Variants in ADCY8 observed in about 807,000 individuals in gnomAD.
ADCY8 encodes the protein adenylate cyclase type 8.
ADCY8 carries 51 observed loss-of-function variants against 119.7 expected under a neutral mutation model. The ratio of observed to expected loss-of-function variants is 0.43; its 90% CI spans 0.34 to 0.54. The LOEUF is 0.54. Ranked by LOEUF, ADCY8 falls within the 20% of genes least tolerant of loss-of-function variation. The pLI is 0.03. For synonymous variants in ADCY8, 665 were observed against 651.0 expected (o/e 1.02, Z -0.33); for missense variants, 1,383 against 1,598.8 (o/e 0.87, Z 2.30).
At chr8:130,817,498 T>C (rs1445906921) in intron 13 of ADCY8, among the ~76,000 whole-genome samples, 1 of 152,228 alleles carries the variant, frequency 6.6e-6, no homozygotes, top group Non-Finnish European at 1.5e-5. Context: ...AATGACTTTA[T>C]TGGAAGATTT....
chr8:130,916,434 A>G (rs929704734), intron 5 of ADCY8, among the ~76,000 whole-genome samples: 1 of 152,172 alleles, frequency 6.6e-6, no homozygotes, highest in Admixed American at 6.5e-5. Flanking sequence ...GCTGGACTTT[A>G]GTGTCAGCCT....
intron 1 of ADCY8, among the ~76,000 whole-genome samples, chr8:131,004,440 TA>T (rs1420239994): frequency 1.3e-5 from 2 of 151,958 alleles, no homozygotes; most frequent in Non-Finnish European, 2.9e-5. Flanking sequence ...ATCATCTATT[TA>T]ATTCATGGAG....
At chr8:131,011,497 T>C (rs1823302840) in intron 1 of ADCY8, among the ~76,000 whole-genome samples, 1 of 152,138 alleles carries the variant, frequency 6.6e-6, no homozygotes, top group African/African-American at 2.4e-5. Flanking sequence ...AAGCTGCCCT[T>C]CTCACCACAT....
intron 5 of ADCY8, among the ~76,000 whole-genome samples, chr8:130,920,603 C>CT (rs1311574190): frequency 2.6e-5 from 4 of 152,194 alleles, no homozygotes; most frequent in Non-Finnish European, 1.5e-5. Flanking sequence ...TATTCTAACT[C>CT]TGAGCTTTTG....
At chr8:130,832,587 C>A (rs1816871251) in intron 12 of ADCY8, among the ~76,000 whole-genome samples, 1 of 152,120 alleles carries the variant, frequency 6.6e-6, no homozygotes, top group African/African-American at 2.4e-5. Flanking sequence ...TTATTGATTT[C>A]ATTCCATTGA....
intron 17 of ADCY8, among the ~76,000 whole-genome samples, chr8:130,782,645 T>C (rs559400357): frequency 6.6e-6 from 1 of 152,308 alleles, no homozygotes; most frequent in Admixed American, 6.5e-5. Context: ...AATTGTGTAG[T>C]CAACAATTTC....
intron 8 of ADCY8, 51 bp from the exon 9 acceptor site, chr8:130,867,997 T>G: frequency 8.4e-7 from 1 of 1,191,198 alleles, no homozygotes. Flanking sequence ...AGTGCAGTGT[T>G]TGAGGTTGAG....
chr8:130,798,893 C>G (rs73342411), intron 15 of ADCY8, among the ~76,000 whole-genome samples: 1 of 152,050 alleles, frequency 6.6e-6, no homozygotes. Flanking sequence ...CACGCATGCA[C>G]ACACACATGC....
chr8:131,022,649 C>T (rs574702122), intron 1 of ADCY8, among the ~76,000 whole-genome samples: 17 of 152,178 alleles, frequency 1.1e-4, no homozygotes, highest in African/African-American at 2.4e-4. Flanking sequence ...CAGCAAGTGC[C>T]GGCCAGGTAA....
intron 9 of ADCY8, among the ~76,000 whole-genome samples, chr8:130,862,855 T>C (rs1039647813): frequency 2.0e-5 from 3 of 152,236 alleles, no homozygotes; most frequent in Admixed American, 6.5e-5. Flanking sequence ...TCTGAGAACA[T>C]ACTTTGTGTT....
chr8:130,871,757 C>G (rs1181498558), intron 8 of ADCY8, among the ~76,000 whole-genome samples: 1 of 152,122 alleles, frequency 6.6e-6, no homozygotes, highest in Admixed American at 6.6e-5. Flanking sequence ...GAAATTATGA[C>G]CTCCTGTGTG....
intron 1 of ADCY8, among the ~76,000 whole-genome samples, chr8:131,034,953 A>G (rs1344891991): frequency 6.6e-6 from 1 of 152,196 alleles, no homozygotes; most frequent in Non-Finnish European, 1.5e-5. Context: ...GTCACCAGCA[A>G]TTAAAATAGA....
At chr8:130,894,202 GT>G (rs1420066807) in intron 7 of ADCY8, among the ~76,000 whole-genome samples, 1 of 152,130 alleles carries the variant, frequency 6.6e-6, no homozygotes, top group Non-Finnish European at 1.5e-5. Context: ...CTTTTCACCA[GT>G]TGTGTCAGGG....
chr8:130,811,733 T>TGTA (rs1816173280), intron 14 of ADCY8, among the ~76,000 whole-genome samples: 1 of 152,178 alleles, frequency 6.6e-6, no homozygotes, highest in Non-Finnish European at 1.5e-5. Context: ...CCAAGGGTGA[T>TGTA]GTAGTCCCTG....
chr8:130,791,435 A>G (rs191477144), intron 15 of ADCY8, among the ~76,000 whole-genome samples: 1 of 152,338 alleles, frequency 6.6e-6, no homozygotes, highest in African/African-American at 2.4e-5. Context: ...AGACAGGAAA[A>G]CTGTGCTGAC....
intron 8 of ADCY8, among the ~76,000 whole-genome samples, chr8:130,871,316 T>C (rs1270835127): frequency 2.0e-5 from 3 of 152,216 alleles, no homozygotes; most frequent in Non-Finnish European, 2.9e-5. Flanking sequence ...CTTATCCTTT[T>C]ATATCTCAGT....
At position 130,878,651 on chromosome 8, in the gene ADCY8, C is replaced by A. The variant is rs529309549; in HGVS notation, c.2109+5913G>T. ...TCTTGCAAAATCAGAATCTTGGGGGCAGAGTGATGGGATGGTACCTGCATT... is the reference window on the plus strand; with the variant it reads ...TCTTGCAAAATCAGAATCTTGGGGGAAGAGTGATGGGATGGTACCTGCATT... On this transcript the variant is annotated intron_variant, in intron 8 of 17. Transcript: ENST00000286355. 4.1e-4 allele frequency among the ~76,000 whole-genome samples: 62 copies of A among 152,226 alleles called. No homozygotes were observed. In the Middle Eastern group the frequency reaches 0.024, roughly 58 times the overall value.
At chr8:130,954,843 G>A (rs927015531) in intron 2 of ADCY8, among the ~76,000 whole-genome samples, 6 of 152,130 alleles carry the variant, frequency 3.9e-5, no homozygotes, top group African/African-American at 1.4e-4. Context: ...ATGGCTCTTA[G>A]AAAATTGTAA....
intron 2 of ADCY8, among the ~76,000 whole-genome samples, chr8:130,985,384 G>A (rs1822372315): frequency 6.6e-6 from 1 of 152,096 alleles, no homozygotes; most frequent in African/African-American, 2.4e-5. Flanking sequence ...AGTGTAGAGG[G>A]TAAGAAGAAT....
Sources: gnomAD v4.1 joint callset for allele counts (sites outside exome capture counted in the v4.1 genomes callset) on GRCh38, gnomAD v4.1.1 for gene constraint, MANE v1.5 for transcripts, NCBI Gene and HGNC (gene_info 2026-07-23, HGNC 2026-07-21) for gene names.